CD99L2: variants seen among roughly 807,000 people sequenced by gnomAD.
CD99L2 encodes CD99 molecule like 2, also known as CD99 antigen-like protein 2.
A neutral mutation model predicts 27.3 loss-of-function variants in CD99L2; 24 were observed. That is an observed-to-expected ratio of 0.88 (90% CI 0.64 to 1.24). CD99L2 has a LOEUF of 1.24. Ranked by LOEUF, CD99L2 falls within the 50% of genes most tolerant of loss-of-function variation. The pLI, the probability that CD99L2 is intolerant of heterozygous loss-of-function variation, is 0.00. For synonymous variants in CD99L2, 97 were observed against 87.9 expected (o/e 1.10, Z -0.58); for missense variants, 255 against 221.6 (o/e 1.15, Z -0.96).
chrX:150,898,377 C>T (rs1603331797), intron 1 of CD99L2, 145 bp downstream of exon 1: 3 of 360,157 alleles, frequency 8.3e-6, no homozygotes, highest in East Asian at 1.3e-4. Context: ...GGACCCCCGC[C>T]GCTCCGCCTC....
intron 1 of CD99L2, among the ~76,000 whole-genome samples, chrX:150,884,540 A>C: frequency 8.9e-6 from 1 of 112,101 alleles, no homozygotes; most frequent in South Asian, 3.7e-4. Context: ...TTAGCCAGGC[A>C]TGCTGGCATG....
chrX:150,770,882 C>T (rs1280791830), intron 9 of CD99L2, among the ~76,000 whole-genome samples: 3 of 112,926 alleles, frequency 2.7e-5, no homozygotes, highest in Non-Finnish European at 5.6e-5. Context: ...AGGCCAACTG[C>T]TCCTCCCAGC....
At chrX:150,872,678 C>A (rs1471932956) in intron 1 of CD99L2, among the ~76,000 whole-genome samples, 1 of 108,328 alleles carries the variant, frequency 9.2e-6, no homozygotes, top group African/African-American at 3.4e-5. Context: ...AAAAAAATCC[C>A]CCACTACTGA....
chrX:150,807,105 C>T (rs2046006572), intron 4 of CD99L2, among the ~76,000 whole-genome samples: 1 of 110,141 alleles, frequency 9.1e-6, no homozygotes. Context: ...AGAATACCAC[C>T]TTTCTTGGGG....
intron 4 of CD99L2, among the ~76,000 whole-genome samples, chrX:150,814,193 T>C (rs1427170602): frequency 8.9e-6 from 1 of 112,250 alleles, no homozygotes; most frequent in Non-Finnish European, 1.9e-5. Flanking sequence ...GACAAGACAG[T>C]CCCACGGAAC....
At position 150,874,167 on chromosome X, in the gene CD99L2, A is replaced by C. The variant is rs1212137292; in HGVS notation, c.67+24355T>G. ...AAACAAATGGGGCTATGAGAGCCTC[A>C]CACGTGAGGTGCTACCTGATGCCAG... is the stretch of plus-strand genomic sequence containing the variant. On this transcript the variant is annotated intron_variant, in intron 1 of 10. Coordinates refer to ENST00000370377, the MANE Select transcript of CD99L2 (RefSeq NM_031462.4). 2.7e-5 allele frequency among the ~76,000 whole-genome samples: 3 copies of C among 112,097 alleles called. No homozygotes were observed. The East Asian group carries it at 8.5e-4, about 32-fold the overall frequency.
At chrX:150,849,253 C>T (rs2046752780) in intron 1 of CD99L2, among the ~76,000 whole-genome samples, 1 of 111,440 alleles carries the variant, frequency 9.0e-6, no homozygotes, top group African/African-American at 3.3e-5. Context: ...TGGTGAGCAG[C>T]GTCAAAAACA....
chrX:150,855,293 T>C (rs1557421705), intron 1 of CD99L2, among the ~76,000 whole-genome samples: 2 of 111,976 alleles, frequency 1.8e-5, no homozygotes, highest in African/African-American at 6.5e-5. Context: ...TATTAGTCCA[T>C]TCTTGCCTTG....
intron 1 of CD99L2, among the ~76,000 whole-genome samples, chrX:150,878,618 G>C (rs146789253): frequency 0.041 from 4,473 of 109,933 alleles, 204 homozygotes; most frequent in African/African-American, 0.12. Context: ...CAATGCAAGT[G>C]CAATCGGAAT....
intron 4 of CD99L2, among the ~76,000 whole-genome samples, chrX:150,812,994 C>T (rs2046095523): frequency 9.0e-6 from 1 of 110,913 alleles, no homozygotes; most frequent in East Asian, 2.8e-4. Flanking sequence ...TTTTGCCTCC[C>T]CCCAAAACTG....
At chrX:150,843,335 G>A (rs1176102424) in intron 1 of CD99L2, among the ~76,000 whole-genome samples, 2 of 111,989 alleles carry the variant, frequency 1.8e-5, no homozygotes, top group Non-Finnish European at 3.8e-5. Flanking sequence ...AACTGCATCG[G>A]TTTTTAAATT....
At chrX:150,859,208 T>C (rs890429097) in intron 1 of CD99L2, among the ~76,000 whole-genome samples, 5 of 111,568 alleles carry the variant, frequency 4.5e-5, no homozygotes, top group Non-Finnish European at 9.4e-5. Context: ...AAATCAATAA[T>C]AAAAAGTCTC....
chrX:150,829,909 C>A (rs782295448), intron 2 of CD99L2, among the ~76,000 whole-genome samples: 1 of 111,296 alleles, frequency 9.0e-6, no homozygotes, highest in East Asian at 2.8e-4. Flanking sequence ...GTAATCCCAG[C>A]ACTTTGGGAG....
intron 1 of CD99L2, among the ~76,000 whole-genome samples, chrX:150,873,509 G>A (rs1424180089): frequency 1.8e-5 from 2 of 112,016 alleles, no homozygotes; most frequent in African/African-American, 6.5e-5. Context: ...CCTTGTGAAC[G>A]CACTAAATGC....
At chrX:150,871,395 C>T (rs781820706) in intron 1 of CD99L2, among the ~76,000 whole-genome samples, 37 of 111,435 alleles carry the variant, frequency 3.3e-4, no homozygotes, top group African/African-American at 7.8e-4. Flanking sequence ...ACTAGAAACA[C>T]GAGGCAGGTA....
chrX:150,770,402 G>A lies in CD99L2; in HGVS notation c.656-33C>T, dbSNP rs377404462. The A allele has an allele frequency of 2.1e-4, 242 of 1,168,884 alleles. 1 individual carries two copies. In the South Asian group the frequency reaches 2.6e-3, roughly 12 times the overall value. ...GGGAAAAGGGCAGAGTTAGTGATGC[G>A]CACAGGACCTAAGGGTCCCCAATCG... On this transcript the variant is annotated intron_variant, in intron 9 of 10. Coordinates refer to ENST00000370377, the MANE Select transcript of CD99L2 (RefSeq NM_031462.4).
Position 150,855,794 on chromosome X carries a change from G to A in CD99L2, c.68-24501C>T, listed in dbSNP as rs150062534. Among the ~76,000 whole-genome samples the A allele has an allele frequency of 5.1e-3, 574 of 111,650 alleles. 7 individuals carry two copies. The highest frequency in any genetic ancestry group is 0.014 in the Middle Eastern group (3 of 214). On this transcript the variant is annotated intron_variant, in intron 1 of 10. Coordinates refer to ENST00000370377, the MANE Select transcript of CD99L2 (RefSeq NM_031462.4). ...CCAAGGATCGCTACCAGCAGCTAAC[G>A]GGGGCAAGAAAGGACCCTCCCATAC...
At chrX:150,882,227 C>T (rs945568948) in intron 1 of CD99L2, among the ~76,000 whole-genome samples, 14 of 111,559 alleles carry the variant, frequency 1.3e-4, no homozygotes, top group African/African-American at 4.2e-4. Context: ...CTCCACGTGC[C>T]CTTCAGCCAT....
chrX:150,812,592 T>C (rs1421033603), intron 4 of CD99L2, among the ~76,000 whole-genome samples: 1 of 112,467 alleles, frequency 8.9e-6, no homozygotes, highest in Non-Finnish European at 1.9e-5. Context: ...ACTGACACAA[T>C]GAATTAGGGA....
Sources: gnomAD v4.1 joint callset for allele counts (sites outside exome capture counted in the v4.1 genomes callset) on GRCh38, gnomAD v4.1.1 for gene constraint, MANE v1.5 for transcripts, NCBI Gene and HGNC (gene_info 2026-07-23, HGNC 2026-07-21) for gene names.